The following SORCS2 variants were observed in gnomAD, a reference collection of about 807,000 sequenced individuals.
SORCS2 encodes the protein VPS10 domain-containing receptor SorCS2.
In SORCS2, 100 loss-of-function variants were observed where a neutral mutation model predicts 141.6. That is an observed-to-expected ratio of 0.71 (90% CI 0.60 to 0.83). The LOEUF is 0.83. Ranked by LOEUF, SORCS2 falls within the 40% of genes least tolerant of loss-of-function variation. The pLI is 0.00. For synonymous variants in SORCS2, 789 were observed against 676.9 expected, an observed-to-expected ratio of 1.17 and a Z score of -2.57; for missense variants, 1,646 against 1,560.2, an observed-to-expected ratio of 1.05 and a Z score of -0.93.
chr4:7,553,095 C>G (rs4591607), intron 3 of SORCS2, among the ~76,000 whole-genome samples: 44,514 of 151,768 alleles, frequency 0.29, 7,407 homozygotes, highest in African/African-American at 0.45. Context: ...GTGGAGGGGG[C>G]GCTAAGCAGG....
intron 3 of SORCS2, among the ~76,000 whole-genome samples, chr4:7,621,439 CTATGTGTGTGTCTGTGTGAGTGTT>C (rs1443569417): frequency 4.1e-4 from 59 of 143,656 alleles, no homozygotes; most frequent in Non-Finnish European, 2.7e-4. Flanking sequence ...GAGTGTGTGT[CTATGTGTGTGTCTGTGTGAGTGTT>C]TATGTGTGTG....
intron 2 of SORCS2, among the ~76,000 whole-genome samples, chr4:7,510,818 C>T (rs746204624): frequency 1.3e-5 from 2 of 152,206 alleles, no homozygotes; most frequent in Non-Finnish European, 2.9e-5. Context: ...GTGGAGCCTC[C>T]GGGCCACTCT....
chr4:7,433,404 G>C, intron 2 of SORCS2: 3 of 1,505,602 alleles, frequency 2.0e-6, no homozygotes, highest in Non-Finnish European at 2.7e-6. Context: ...CGGCCTCCTG[G>C]CTCCTGCACC....
At chr4:7,483,573 C>T (rs1025354057) in intron 2 of SORCS2, among the ~76,000 whole-genome samples, 2 of 152,044 alleles carry the variant, frequency 1.3e-5, no homozygotes, top group African/African-American at 4.8e-5. Flanking sequence ...CCACACTGTG[C>T]GGGGTGCTTT....
chr4:7,715,355 G>T, intron 17 of SORCS2, 44 bp downstream of exon 17: 1 of 1,605,634 alleles, frequency 6.2e-7, no homozygotes, highest in Non-Finnish European at 8.5e-7. Context: ...TCCGGGGGCA[G>T]AGCTGTGGTG....
chr4:7,365,220 G>A (rs12500910), intron 1 of SORCS2, among the ~76,000 whole-genome samples: 14,596 of 152,232 alleles, frequency 0.096, 863 homozygotes, highest in East Asian at 0.24. Context: ...TTGAAAACAT[G>A]GCCCTGGCTG....
intron 10 of SORCS2, among the ~76,000 whole-genome samples, chr4:7,684,271 G>A (rs917019688): frequency 1.8e-4 from 28 of 152,308 alleles, no homozygotes; most frequent in African/African-American, 6.0e-4. Context: ...TGTTGAAAAC[G>A]GAGGAAGATG....
chr4:7,639,295 G>T (rs980956319), intron 4 of SORCS2, among the ~76,000 whole-genome samples: 14 of 152,234 alleles, frequency 9.2e-5, no homozygotes, highest in Non-Finnish European at 1.8e-4. Flanking sequence ...CTAGGGAGGA[G>T]TCCAACCCTG....
chr4:7,311,421 C>T (rs780489931), intron 1 of SORCS2, among the ~76,000 whole-genome samples: 3 of 152,152 alleles, frequency 2.0e-5, no homozygotes, highest in African/African-American at 4.8e-5. Flanking sequence ...TCATTTCTCT[C>T]GGGTAAATAT....
chr4:7,611,240 G>A (rs1021221115), intron 3 of SORCS2, among the ~76,000 whole-genome samples: 3 of 152,222 alleles, frequency 2.0e-5, no homozygotes, highest in African/African-American at 7.2e-5. Context: ...GGGGCTTCCT[G>A]GCCTTCTTCT....
At chr4:7,394,505 C>G (rs975273090) in intron 1 of SORCS2, among the ~76,000 whole-genome samples, 3 of 126,146 alleles carry the variant, frequency 2.4e-5, no homozygotes, top group African/African-American at 9.4e-5. Flanking sequence ...AGGAATTCAC[C>G]GAGGAAATAG....
At chr4:7,355,772 C>T (rs915208694) in intron 1 of SORCS2, among the ~76,000 whole-genome samples, 4 of 152,208 alleles carry the variant, frequency 2.6e-5, no homozygotes, top group Non-Finnish European at 4.4e-5. Flanking sequence ...GCTGTGAGCC[C>T]GAGGAACAGG....
chr4:7,514,914 C>G (rs772849428), intron 2 of SORCS2, among the ~76,000 whole-genome samples: 7 of 152,158 alleles, frequency 4.6e-5, no homozygotes, highest in Non-Finnish European at 8.8e-5. Flanking sequence ...GTAAGCAAAG[C>G]TACTCTTAAC....
chr4:7,368,651 G>A (rs1722058963), intron 1 of SORCS2, among the ~76,000 whole-genome samples: 1 of 152,208 alleles, frequency 6.6e-6, no homozygotes, highest in South Asian at 2.1e-4. Flanking sequence ...TTCATGGGAG[G>A]GGCCAAGACA....
At chr4:7,210,967 G>A (rs1364030853) in intron 1 of SORCS2, among the ~76,000 whole-genome samples, 1 of 152,212 alleles carries the variant, frequency 6.6e-6, no homozygotes, top group East Asian at 1.9e-4. Context: ...GAGTGGAACG[G>A]TGACCTGGCC....
At chr4:7,591,249 C>T (rs923058889) in intron 3 of SORCS2, among the ~76,000 whole-genome samples, 1 of 152,208 alleles carries the variant, frequency 6.6e-6, no homozygotes, top group South Asian at 2.1e-4. Flanking sequence ...CCTGCTGCTG[C>T]CTCCTCTCTC....
chr4:7,589,098 G>A (rs1394566747), intron 3 of SORCS2, among the ~76,000 whole-genome samples: 2 of 152,158 alleles, frequency 1.3e-5, no homozygotes, highest in African/African-American at 4.8e-5. Context: ...TGGGGCGAAG[G>A]GGTTCAGCAG....
At chr4:7,682,613 C>G in intron 9 of SORCS2, 130 bp from the exon 10 acceptor site, 1 of 895,876 alleles carries the variant, frequency 1.1e-6, no homozygotes. Flanking sequence ...GTCTCAGCTG[C>G]TGGACATTGT....
chr4:7,476,114 T>G (rs944463838), intron 2 of SORCS2, among the ~76,000 whole-genome samples: 1 of 152,186 alleles, frequency 6.6e-6, no homozygotes, highest in East Asian at 1.9e-4. Flanking sequence ...GGCTCAGCCA[T>G]GTGCCAGCCC....
Sources: allele counts gnomAD v4.1 joint callset (sites outside exome capture counted in the v4.1 genomes callset), GRCh38; gene constraint gnomAD v4.1.1; transcripts MANE v1.5; gene names NCBI Gene and HGNC (gene_info 2026-07-23, HGNC 2026-07-21).